CNTN1: variants seen among roughly 807,000 people sequenced by gnomAD.
CNTN1 encodes the protein contactin 1.
Under a neutral mutation model 126.4 loss-of-function variants are expected in CNTN1, and 38 were observed. That is an observed-to-expected ratio of 0.30 (90% CI 0.23 to 0.39). The LOEUF (loss-of-function observed/expected upper bound fraction) is 0.39, where lower values mean the gene tolerates loss of function less well. CNTN1 is among the 10% of genes least tolerant of loss of function. The pLI, the probability that CNTN1 is intolerant of heterozygous loss-of-function variation, is 1.00. For missense variants in CNTN1, 1,009 were observed against 1,248.4 expected (o/e 0.81, Z 2.89); for synonymous variants, 413 against 422.6 (o/e 0.98, Z 0.28).
At position 40,757,313 on chromosome 12, in the gene CNTN1, A is replaced by G. The variant is rs145123951; in HGVS notation, c.-77+64721A>G. Among the ~76,000 whole-genome samples the G allele has an allele frequency of 7.2e-5, 11 of 151,954 alleles. 1 individual carries two copies. Among genetic ancestry groups the G allele is most frequent in the African/African-American group, 2.2e-4 (9 of 41,508 alleles). ...AAGGACAAAACTTTCAGTCTATTTC[A>G]TAGATGAAATATTATCTTCCACATT... is the stretch of plus-strand genomic sequence containing the variant. On this transcript the variant is annotated intron_variant, in intron 1 of 23. Transcript: ENST00000551295.
chr12:40,906,669 C>CTTTTTTTTTTTTTT lies in CNTN1; in HGVS notation c.-76-1679_-76-1678insTTTTTTTTTTTTTT, dbSNP rs111442544. Among the ~76,000 whole-genome samples the CTTTTTTTTTTTTTT allele has an allele frequency of 3.6e-4, 39 of 107,254 alleles. 8 individuals carry two copies. Among genetic ancestry groups the CTTTTTTTTTTTTTT allele is most frequent in the Non-Finnish European group, 5.1e-4 (27 of 53,332 alleles). 70.4% of individuals were successfully genotyped at this position (107,254 alleles called of 152,430 possible). On this transcript the variant is annotated intron_variant, in intron 1 of 23. Coordinates refer to ENST00000551295, the MANE Select transcript of CNTN1 (RefSeq NM_001843.4). ...TTTCCTTTTAAAATTGTTTTTCATG[C>CTTTTTTTTTTTTTT]TTTTTTTTTGTTTTGTTTTTTTTGA... is the stretch of plus-strand genomic sequence containing the variant.
chr12:41,046,018 G>A (rs1046500829), intron 23 of CNTN1, among the ~76,000 whole-genome samples: 1 of 152,120 alleles, frequency 6.6e-6, no homozygotes, highest in Non-Finnish European at 1.5e-5. Flanking sequence ...GTGTGGCAGA[G>A]TACAGAGACT....
chr12:40,852,244 G>A (rs894661661), intron 1 of CNTN1, among the ~76,000 whole-genome samples: 9 of 152,126 alleles, frequency 5.9e-5, no homozygotes, highest in Admixed American at 2.6e-4. Flanking sequence ...TGTCAGACCC[G>A]ATCAAATTAA....
At chr12:40,709,404 CG>C (rs1941853854) in intron 1 of CNTN1, among the ~76,000 whole-genome samples, 1 of 152,106 alleles carries the variant, frequency 6.6e-6, no homozygotes, top group Non-Finnish European at 1.5e-5. Flanking sequence ...GTAGAGTTAG[CG>C]TAATTCTTAA....
intron 1 of CNTN1, among the ~76,000 whole-genome samples, chr12:40,695,912 G>T (rs538477570): frequency 6.6e-6 from 1 of 152,166 alleles, no homozygotes; most frequent in Admixed American, 6.5e-5. Flanking sequence ...CCTCCCATTA[G>T]CCATTTCCTT....
chr12:40,734,443 T>C (rs957436643), intron 1 of CNTN1, among the ~76,000 whole-genome samples: 2 of 152,082 alleles, frequency 1.3e-5, no homozygotes, highest in African/African-American at 4.8e-5. Flanking sequence ...AGCAAGACCC[T>C]GAAAAGGCAG....
intron 23 of CNTN1, among the ~76,000 whole-genome samples, chr12:41,052,118 CT>C (rs1949702343): frequency 6.6e-6 from 1 of 152,152 alleles, no homozygotes; most frequent in Admixed American, 6.5e-5. Flanking sequence ...TTCCCAATTT[CT>C]TGTATTTCTA....
At chr12:41,044,011 AG>A (rs1229452689) in intron 23 of CNTN1, among the ~76,000 whole-genome samples, 2 of 47,292 alleles carry the variant, frequency 4.2e-5, no homozygotes, top group Admixed American at 6.8e-4. Flanking sequence ...GGGTGGGGGG[AG>A]GGGGGTGGGA....
intron 1 of CNTN1, among the ~76,000 whole-genome samples, chr12:40,757,878 T>C (rs1938675023): frequency 1.3e-5 from 2 of 152,164 alleles, no homozygotes; most frequent in Admixed American, 1.3e-4. Flanking sequence ...TTTATTTTCT[T>C]ATGGCTTGAC....
chr12:40,961,684 A>C (rs1337453797), intron 15 of CNTN1, among the ~76,000 whole-genome samples: 1 of 152,054 alleles, frequency 6.6e-6, no homozygotes, highest in Non-Finnish European at 1.5e-5. Flanking sequence ...CCCACAAGGC[A>C]TTAAAAAGCT....
intron 1 of CNTN1, among the ~76,000 whole-genome samples, chr12:40,783,741 T>C (rs538810073): frequency 4.9e-4 from 74 of 152,230 alleles, no homozygotes; most frequent in African/African-American, 1.7e-3. Context: ...ACCAAATAGA[T>C]GAATAAAGAA....
intron 23 of CNTN1, among the ~76,000 whole-genome samples, chr12:41,051,264 C>T (rs1244988815): frequency 6.6e-6 from 1 of 150,802 alleles, no homozygotes; most frequent in African/African-American, 2.4e-5. Context: ...TCTCCTGCCT[C>T]AGCCTCCCAA....
At chr12:40,835,436 G>A (rs1253449372) in intron 1 of CNTN1, among the ~76,000 whole-genome samples, 3 of 152,106 alleles carry the variant, frequency 2.0e-5, no homozygotes, top group African/African-American at 7.2e-5. Flanking sequence ...ACTTCAATTT[G>A]CCACATTATA....
At chr12:40,740,730 G>T (rs571221580) in intron 1 of CNTN1, among the ~76,000 whole-genome samples, 1 of 152,044 alleles carries the variant, frequency 6.6e-6, no homozygotes, top group African/African-American at 2.4e-5. Context: ...GACCCAGTGG[G>T]AGGTAATTGA....
chr12:40,939,077 T>C (rs960747255), intron 11 of CNTN1, among the ~76,000 whole-genome samples: 1 of 152,206 alleles, frequency 6.6e-6, no homozygotes, highest in African/African-American at 2.4e-5. Context: ...GCCTGGATTC[T>C]AATTAAAGTT....
At chr12:40,864,246 C>G (rs1464730949) in intron 1 of CNTN1, among the ~76,000 whole-genome samples, 3 of 151,848 alleles carry the variant, frequency 2.0e-5, no homozygotes, top group African/African-American at 7.3e-5. Context: ...TCTCGAACTC[C>G]TGACCTCAGG....
intron 14 of CNTN1, among the ~76,000 whole-genome samples, chr12:40,952,996 A>T (rs1946744724): frequency 6.6e-6 from 1 of 152,278 alleles, no homozygotes; most frequent in Middle Eastern, 3.4e-3. Context: ...TCTAAGTTTT[A>T]TCTAGACCTT....
At chr12:40,925,588 CATGTAT>C (rs1945628981) in intron 6 of CNTN1, among the ~76,000 whole-genome samples, 1 of 125,730 alleles carries the variant, frequency 8.0e-6, no homozygotes, top group African/African-American at 3.0e-5. Flanking sequence ...CGTATATATA[CATGTAT>C]ATATATATAT....
chr12:40,737,293 G>GTGTT (rs149571758), intron 1 of CNTN1, among the ~76,000 whole-genome samples: 1 of 147,594 alleles, frequency 6.8e-6, no homozygotes, highest in Non-Finnish European at 1.5e-5. Flanking sequence ...ATATGTGTGT[G>GTGTT]TGTGTGTGTG....
Sources: gnomAD v4.1 joint callset for allele counts (sites outside exome capture counted in the v4.1 genomes callset) on GRCh38, gnomAD v4.1.1 for gene constraint, MANE v1.5 for transcripts, NCBI Gene and HGNC (gene_info 2026-07-23, HGNC 2026-07-21) for gene names.